Variants in PDCL2 observed in about 807,000 individuals in gnomAD.
The protein encoded by PDCL2 is phosducin like 2.
PDCL2 carries 23 observed loss-of-function variants against 30.3 expected under a neutral mutation model. The observed-to-expected ratio is 0.76, with a 90% confidence interval of 0.55 to 1.08. The LOEUF (loss-of-function observed/expected upper bound fraction) is 1.08. Among genes scored for constraint, PDCL2 ranks in the 50% least tolerant of loss-of-function variants. The pLI is 0.00. For missense variants in PDCL2, 243 were observed against 282.3 expected (o/e 0.86, Z 1.00); for synonymous variants, 68 against 86.2 (o/e 0.79, Z 1.17).
chr4:55,574,862 A>G (rs1732522809), intron 3 of PDCL2, among the ~76,000 whole-genome samples: 1 of 152,132 alleles, frequency 6.6e-6, no homozygotes, highest in Non-Finnish European at 1.5e-5. Context: ...TTTTGAGGTT[A>G]TTGTGAATAA....
At chr4:55,556,790 C>A in intron 5 of PDCL2, 79 bp from the exon 6 acceptor site, 1 of 1,134,728 alleles carries the variant, frequency 8.8e-7, no homozygotes, top group Non-Finnish European at 1.2e-6. Context: ...CAAGAGTTGA[C>A]TCTTAGTAAT....
chr4:55,572,576 G>A (rs957529361), intron 3 of PDCL2, among the ~76,000 whole-genome samples: 1 of 152,182 alleles, frequency 6.6e-6, no homozygotes, highest in African/African-American at 2.4e-5. Flanking sequence ...ACACCTGGAT[G>A]AGGGGATCAA....
intron 3 of PDCL2, among the ~76,000 whole-genome samples, chr4:55,578,449 T>C (rs1481029499): frequency 3.3e-5 from 5 of 152,230 alleles, no homozygotes; most frequent in Admixed American, 3.3e-4. Context: ...AGTTTTCACT[T>C]GGAAACTACA....
intron 5 of PDCL2, 128 bp downstream of exon 5, chr4:55,562,276 G>A (rs984722284): frequency 1.0e-5 from 5 of 489,154 alleles, no homozygotes; most frequent in African/African-American, 6.0e-5. Flanking sequence ...AAATTAATCT[G>A]GAGGCATATA....
intron 3 of PDCL2, among the ~76,000 whole-genome samples, chr4:55,574,430 A>C (rs1227946867): frequency 6.6e-6 from 1 of 152,132 alleles, no homozygotes; most frequent in African/African-American, 2.4e-5. Flanking sequence ...TCAATGACTC[A>C]CCCCTAAAAT....
At chr4:55,568,821 G>GGCACCAGAGGAATCTATA (rs1732336029) in intron 4 of PDCL2, among the ~76,000 whole-genome samples, 3 of 152,066 alleles carry the variant, frequency 2.0e-5, no homozygotes, top group Admixed American at 2.0e-4. Flanking sequence ...ATTCCAGTGA[G>GGCACCAGAGGAATCTATA]GCACCAGAGG....
intron 2 of PDCL2, 136 bp from the exon 3 acceptor site, chr4:55,581,047 T>G: frequency 3.5e-6 from 2 of 577,806 alleles, no homozygotes; most frequent in Non-Finnish European, 5.7e-6. Context: ...GGAATCCCAG[T>G]ACTTTGATAG....
chr4:55,587,216 TAAAAAAAAAAAAAAAAAA>T (rs869107656), intron 1 of PDCL2, among the ~76,000 whole-genome samples: 3 of 62,820 alleles, frequency 4.8e-5, no homozygotes, highest in Non-Finnish European at 8.0e-5. Context: ...GACAGAATAG[TAAAAAAAAAAAAAAAAAA>T]AAAAAAAAAA....
At chr4:55,579,853 T>C (rs1179665650) in intron 3 of PDCL2, among the ~76,000 whole-genome samples, 3 of 146,706 alleles carry the variant, frequency 2.0e-5, no homozygotes, top group Non-Finnish European at 4.5e-5. Context: ...TTTTTGTTTG[T>C]TTTTTTTTTC....
At chr4:55,566,955 T>C (rs1331974714) in intron 4 of PDCL2, among the ~76,000 whole-genome samples, 1 of 152,206 alleles carries the variant, frequency 6.6e-6, no homozygotes, top group East Asian at 1.9e-4. Flanking sequence ...GAAGTAACCA[T>C]TAAGCTAGAT....
At chr4:55,558,704 T>C (rs1732048518) in intron 5 of PDCL2, among the ~76,000 whole-genome samples, 1 of 152,126 alleles carries the variant, frequency 6.6e-6, no homozygotes, top group Non-Finnish European at 1.5e-5. Context: ...ACCTTGGGAA[T>C]ACAGAAAGCT....
At chr4:55,567,137 C>G (rs1053471685) in intron 4 of PDCL2, among the ~76,000 whole-genome samples, 1 of 152,072 alleles carries the variant, frequency 6.6e-6, no homozygotes, top group African/African-American at 2.4e-5. Context: ...AACTGGTTAA[C>G]CAAATAAATA....
intron 3 of PDCL2, among the ~76,000 whole-genome samples, chr4:55,572,781 G>C (rs1431147443): frequency 6.6e-6 from 1 of 151,940 alleles, no homozygotes; most frequent in Non-Finnish European, 1.5e-5. Context: ...TTTTCTTTGG[G>C]ATGGAGTCTG....
intron 1 of PDCL2, among the ~76,000 whole-genome samples, chr4:55,586,213 A>C (rs1173987781): frequency 2.6e-5 from 4 of 151,932 alleles, no homozygotes; most frequent in Non-Finnish European, 4.4e-5. Context: ...TTCTTCTTTG[A>C]CCCATTGGTT....
chr4:55,569,836 C>G lies in PDCL2; in HGVS notation c.244G>C (p.Ala82Pro). ...YRKKRLQEWK[A>P]LKKKQKFGEL... ...CCAAATTTTTGTTTTTTCTTAAGAG[C>G]TTTCCATTCCTGTAACCGCTTCTTT... The change falls in exon 4 of 6, where the codon GCT becomes CCT. Residue 82 changes from alanine (A) to proline (P), a missense_variant. Ala to Pro is a conservative substitution (Grantham distance 27). Coordinates refer to ENST00000295645, the MANE Select transcript of PDCL2 (RefSeq NM_152401.3). 6.5e-7 allele frequency: 1 copy of G among 1,539,020 alleles called. No individual in the cohort carries two copies. Among genetic ancestry groups the G allele is most frequent in the Non-Finnish European group, 8.8e-7 (1 of 1,132,538 alleles).
At position 55,583,040 on chromosome 4, in the gene PDCL2, A is replaced by G. The variant is rs183524429; in HGVS notation, c.7-803T>C. Among the ~76,000 whole-genome samples, 129 of 152,198 alleles carry G rather than the reference A, an allele frequency of 8.5e-4. 2 individuals carry two copies. Among genetic ancestry groups the G allele is most frequent in the Middle Eastern group, 6.8e-3 (2 of 294 alleles). On this transcript the variant is annotated intron_variant, in intron 1 of 5. Transcript: ENST00000295645. ...ACCCAAGCTGGAATGCAGTGGCACAATCTTGGCTCACTGCAACCTCCACCT... is the reference window on the plus strand; with the variant it reads ...ACCCAAGCTGGAATGCAGTGGCACAGTCTTGGCTCACTGCAACCTCCACCT...
chr4:55,574,869 A>G (rs1397638760), intron 3 of PDCL2, among the ~76,000 whole-genome samples: 1 of 152,226 alleles, frequency 6.6e-6, no homozygotes, highest in Admixed American at 6.5e-5. Context: ...GTTATTGTGA[A>G]TAATGTTGCT....
chr4:55,585,028 T>G (rs1244708645), intron 1 of PDCL2, among the ~76,000 whole-genome samples: 1 of 152,222 alleles, frequency 6.6e-6, no homozygotes, highest in Non-Finnish European at 1.5e-5. Context: ...ATTTGTAGAT[T>G]TGCGTATGCT....
chr4:55,563,851 C>T (rs1732196374), intron 4 of PDCL2, among the ~76,000 whole-genome samples: 3 of 152,168 alleles, frequency 2.0e-5, no homozygotes, highest in African/African-American at 2.4e-5. Context: ...GTAGATGAAA[C>T]CTTACAGGTA....
Sources: gnomAD v4.1 joint callset for allele counts (sites outside exome capture counted in the v4.1 genomes callset) on GRCh38, gnomAD v4.1.1 for gene constraint, MANE v1.5 for transcripts, NCBI Gene and HGNC (gene_info 2026-07-23, HGNC 2026-07-21) for gene names.